Variants in MTAP observed in about 807,000 individuals in gnomAD.
The protein encoded by MTAP is S-methyl-5'-thioadenosine phosphorylase.
In MTAP, 33 loss-of-function variants were observed where a neutral mutation model predicts 33.6. That is an observed-to-expected ratio of 0.98 (90% CI 0.74 to 1.31). MTAP has a LOEUF of 1.31. MTAP is among the 40% of genes most tolerant of loss of function. The pLI, the probability that MTAP is intolerant of heterozygous loss-of-function variation, is 0.00. For synonymous variants in MTAP, 148 were observed against 125.7 expected (o/e 1.18, Z -1.19); for missense variants, 367 against 360.0 (o/e 1.02, Z -0.16).
chr9:21,863,142 T>G lies in MTAP; in HGVS notation c.*1128T>G, dbSNP rs1177797714. 3.1e-6 allele frequency: 3 copies of G among 976,018 alleles called. No individual in the cohort carries two copies. Among genetic ancestry groups the G allele is most frequent in the Non-Finnish European group, 3.7e-6 (3 of 821,464 alleles). 60.5% of individuals were successfully genotyped at this position (976,018 alleles called of 1,614,324 possible). ...AGGTGTTTAATAGTTTAACTGAAAG[T>G]TTAACTATTTAAAAGACTAAATGCA... On this transcript the variant is annotated 3_prime_UTR_variant, in exon 8 of 8. Coordinates refer to ENST00000644715, the MANE Select transcript of MTAP (RefSeq NM_002451.4).
Position 21,865,793 on chromosome 9 carries a change from T to A in MTAP, c.*3779T>A, listed in dbSNP as rs1316767371. 4.6e-5 allele frequency: 47 copies of A among 1,022,170 alleles called. No homozygotes were observed. The highest frequency in any genetic ancestry group is 5.3e-5 in the Non-Finnish European group (45 of 848,822). The allele number at this position is 1,022,170 out of a possible 1,614,324, so 63.3% of individuals were successfully genotyped here. A position where few individuals can be genotyped will look rare whatever the true frequency, so the allele number is the denominator to read the frequency against. The stretch of plus-strand genomic sequence containing the variant: ...GAAAGACAATCTCGGCATGCATTAT[T>A]TCTTTGTTTTGAAGATTCACTCATG... On this transcript the variant is annotated 3_prime_UTR_variant, in exon 8 of 8. Coordinates refer to ENST00000644715, the MANE Select transcript of MTAP (RefSeq NM_002451.4).
intron 1 of MTAP, among the ~76,000 whole-genome samples, chr9:21,887,696 C>T (rs528157916): frequency 1.8e-4 from 27 of 152,294 alleles, no homozygotes; most frequent in South Asian, 1.0e-3. Context: ...CACTGACTTC[C>T]GCAATGGTTG....
chr9:21,816,614 ACT>A, intron 2 of MTAP, 98 bp from the exon 3 acceptor site: 1 of 960,000 alleles, frequency 1.0e-6, no homozygotes, highest in Non-Finnish European at 1.6e-6. Context: ...GTATCCTCAG[ACT>A]CTTCAGATTC....
chr9:21,900,796 G>GA (rs1818379131), intron 1 of MTAP, among the ~76,000 whole-genome samples: 2 of 152,152 alleles, frequency 1.3e-5, no homozygotes, highest in South Asian at 4.1e-4. Context: ...ACTGGGTAAA[G>GA]AAAAAGAGGT....
chr9:21,846,717 A>G (rs1345696516), intron 5 of MTAP, among the ~76,000 whole-genome samples: 2 of 152,214 alleles, frequency 1.3e-5, no homozygotes, highest in Admixed American at 1.3e-4. Flanking sequence ...TGATCCAGCA[A>G]TCCCACTCCT....
At chr9:21,915,531 G>T (rs1256719542) in intron 1 of MTAP, among the ~76,000 whole-genome samples, 1 of 151,942 alleles carries the variant, frequency 6.6e-6, no homozygotes, top group African/African-American at 2.4e-5. Flanking sequence ...ACAAGTTTTG[G>T]CATAGGTATA....
intron 5 of MTAP, among the ~76,000 whole-genome samples, chr9:21,852,455 A>T (rs980291158): frequency 2.4e-4 from 36 of 150,326 alleles, no homozygotes; most frequent in African/African-American, 8.9e-4. Flanking sequence ...GGTTGCAGTG[A>T]GCCAAGATCG....
intron 1 of MTAP, among the ~76,000 whole-genome samples, chr9:21,895,261 T>C (rs149889036): frequency 6.6e-6 from 1 of 152,174 alleles, no homozygotes; most frequent in African/African-American, 2.4e-5. Flanking sequence ...CATCAGACAC[T>C]ACCTGACTTC....
At chr9:21,876,521 A>C (rs1469736512) in intron 1 of MTAP, among the ~76,000 whole-genome samples, 1 of 152,146 alleles carries the variant, frequency 6.6e-6, no homozygotes, top group African/African-American at 2.4e-5. Flanking sequence ...TTAAGTCTTT[A>C]ATCCATCTTG....
intron 5 of MTAP, among the ~76,000 whole-genome samples, chr9:21,844,285 C>A (rs1013826924): frequency 7.2e-5 from 11 of 152,176 alleles, no homozygotes; most frequent in Non-Finnish European, 1.6e-4. Context: ...GGATTCACAG[C>A]TGAATTCTAT....
At chr9:21,871,639 A>G (rs7032349), downstream of MTAP, among the ~76,000 whole-genome samples, 5,323 of 152,270 alleles carry the variant, frequency 0.035, 214 homozygotes, top group African/African-American at 0.1. Context: ...AAATTTATAA[A>G]TCTATGAAAT....
intron 5 of MTAP, among the ~76,000 whole-genome samples, chr9:21,840,113 C>T (rs1182316086): frequency 2.0e-5 from 3 of 151,974 alleles, no homozygotes; most frequent in Non-Finnish European, 4.4e-5. Context: ...ATAGTCCCAG[C>T]TACTTGGGAG....
chr9:21,867,211 C>T (rs970010622), downstream of MTAP: 1 of 152,252 alleles, frequency 6.6e-6, no homozygotes, highest in East Asian at 1.9e-4. Flanking sequence ...GACCTTCAAC[C>T]TAATGTTGAA....
At chr9:21,819,845 A>G (rs1824585185) in intron 4 of MTAP, among the ~76,000 whole-genome samples, 1 of 152,174 alleles carries the variant, frequency 6.6e-6, no homozygotes, top group Middle Eastern at 3.2e-3. Flanking sequence ...AACTGGTGTG[A>G]GATGGTATCT....
At chr9:21,802,885 T>C (rs1824088480) in intron 1 of MTAP, 104 bp downstream of exon 1, 1 of 1,503,754 alleles carries the variant, frequency 6.7e-7, no homozygotes, top group African/African-American at 1.4e-5. Flanking sequence ...GGCCCGTGCG[T>C]CCCTTGCCGC....
chr9:21,926,323 C>A (rs559309532), intron 1 of MTAP, among the ~76,000 whole-genome samples: 26 of 150,688 alleles, frequency 1.7e-4, no homozygotes, highest in Middle Eastern at 3.4e-3. Flanking sequence ...CTATGTAACA[C>A]CCCTGTCTTA....
chr9:21,917,092 T>C (rs1357280559), intron 1 of MTAP, among the ~76,000 whole-genome samples: 1 of 152,220 alleles, frequency 6.6e-6, no homozygotes, highest in Non-Finnish European at 1.5e-5. Context: ...TCCAAGACTT[T>C]TAATCTAAAC....
At chr9:21,822,293 T>C (rs1288726902) in intron 4 of MTAP, among the ~76,000 whole-genome samples, 1 of 152,238 alleles carries the variant, frequency 6.6e-6, no homozygotes, top group Non-Finnish European at 1.5e-5. Context: ...CTCTACACAC[T>C]GCTTTAAATG....
At chr9:21,856,285 A>G (rs770681981) in intron 6 of MTAP, 5 of 542,068 alleles carry the variant, frequency 9.2e-6, no homozygotes, top group African/African-American at 2.1e-5. Flanking sequence ...TTGTTTTACT[A>G]TCTAATGTGT....
Sources: gnomAD v4.1 joint callset for allele counts (sites outside exome capture counted in the v4.1 genomes callset) on GRCh38, gnomAD v4.1.1 for gene constraint, MANE v1.5 for transcripts, NCBI Gene and HGNC (gene_info 2026-07-23, HGNC 2026-07-21) for gene names.